SLC5A7: variants seen among roughly 807,000 people sequenced by gnomAD.
SLC5A7 encodes the protein solute carrier family 5 member 7.
SLC5A7 carries 19 observed loss-of-function variants against 55.4 expected under a neutral mutation model. The observed-to-expected ratio is 0.34, with a 90% CI of 0.24 to 0.50. The LOEUF is 0.50. Ranked by LOEUF, SLC5A7 falls within the 20% of genes least tolerant of loss-of-function variation. The probability of loss-of-function intolerance (pLI) is 0.98; values close to 1 mark genes in which losing one functional copy is unlikely to be tolerated. For missense variants in SLC5A7, 506 were observed against 705.3 expected (o/e 0.72, Z 3.20); for synonymous variants, 265 against 263.7 (o/e 1.00, Z -0.05).
chr2:107,990,764 A>C (rs1160913246), intron 2 of SLC5A7, among the ~76,000 whole-genome samples: 2 of 152,196 alleles, frequency 1.3e-5, no homozygotes, highest in Non-Finnish European at 2.9e-5. Context: ...GTATTAGATT[A>C]AAAGCCAGAT....
At chr2:107,999,147 A>G (rs2104357243) in intron 5 of SLC5A7, among the ~76,000 whole-genome samples, 2 of 152,326 alleles carry the variant, frequency 1.3e-5, no homozygotes, top group East Asian at 3.9e-4. Context: ...TCATATTGTA[A>G]CTGAATATGA....
At chr2:107,993,976 C>T (rs573930616) in intron 4 of SLC5A7, among the ~76,000 whole-genome samples, 9 of 152,244 alleles carry the variant, frequency 5.9e-5, no homozygotes, top group African/African-American at 2.2e-4. Flanking sequence ...AGAATTTCCC[C>T]TTCAGTTTAA....
intron 8 of SLC5A7, among the ~76,000 whole-genome samples, chr2:108,009,080 G>A (rs1678221246): frequency 2.0e-5 from 3 of 152,074 alleles, no homozygotes; most frequent in South Asian, 2.1e-4. Context: ...ACGTATTTTT[G>A]TAACTTCTGA....
intron 5 of SLC5A7, among the ~76,000 whole-genome samples, chr2:108,001,597 C>T (rs970004220): frequency 4.2e-5 from 6 of 141,958 alleles, no homozygotes; most frequent in African/African-American, 1.0e-4. Context: ...GGCGTGAACC[C>T]GGGAGGCGGA....
intron 4 of SLC5A7, among the ~76,000 whole-genome samples, chr2:107,993,601 T>C (rs1170194588): frequency 6.6e-6 from 1 of 152,216 alleles, no homozygotes; most frequent in Non-Finnish European, 1.5e-5. Context: ...AACTGAGAAC[T>C]TTTTACCTCC....
chr2:108,009,770 G>A (rs759661132), intron 8 of SLC5A7, among the ~76,000 whole-genome samples: 11 of 152,078 alleles, frequency 7.2e-5, no homozygotes, highest in African/African-American at 1.7e-4. Flanking sequence ...TGCAATAAAC[G>A]TATGTGTGCA....
intron 6 of SLC5A7, among the ~76,000 whole-genome samples, 158 bp downstream of exon 6, chr2:108,002,198 C>T (rs1200836992): frequency 1.3e-5 from 2 of 152,004 alleles, no homozygotes; most frequent in Non-Finnish European, 2.9e-5. Flanking sequence ...CAGGGCCGGA[C>T]TATCGTGGCT....
Position 108,010,992 on chromosome 2 carries a change from A to G in SLC5A7, c.*131A>G. ...TTCAGGAGAGTAAAAATTCATATAA[A>G]GTGCAATTGCACAAATACAAGCCAA... On this transcript the variant is annotated 3_prime_UTR_variant, in exon 9 of 9. Coordinates refer to ENST00000264047, the MANE Select transcript of SLC5A7 (RefSeq NM_021815.5). 9.9e-7 allele frequency: 1 copy of G among 1,006,296 alleles called. No homozygotes were observed. The highest frequency in any genetic ancestry group is 1.3e-6 in the Non-Finnish European group (1 of 744,998). The allele number at this position is 1,006,296 out of a possible 1,614,324, so 62.3% of individuals were successfully genotyped here. A position where few individuals can be genotyped will look rare whatever the true frequency, so the allele number is the denominator to read the frequency against.
At position 107,988,337 on chromosome 2, in the gene SLC5A7, C is replaced by G. The variant is rs202139534; in HGVS notation, c.178+4C>G. On this transcript the variant is annotated splice_donor_region_variant and intron_variant, in intron 2 of 8. Transcript: ENST00000264047. ...GTTGGTGGATTTACCATGACAGGTA[C>G]GTTCAGACGCCGCCGGCTCCATGCA... 3.1e-6 allele frequency: 5 copies of G among 1,605,862 alleles called. No individual in the cohort carries two copies. The highest frequency in any genetic ancestry group is 2.7e-5 in the African/African-American group (2 of 74,912).
intron 6 of SLC5A7, 98 bp from the exon 7 acceptor site, chr2:108,005,951 C>T: frequency 6.9e-7 from 1 of 1,454,300 alleles, no homozygotes; most frequent in Non-Finnish European, 9.3e-7. Context: ...TTTACTACTT[C>T]TAAGTTGTAC....
intron 1 of SLC5A7, among the ~76,000 whole-genome samples, chr2:107,987,221 T>TAAATAA (rs745768532): frequency 6.6e-6 from 1 of 151,900 alleles, no homozygotes; most frequent in Non-Finnish European, 1.5e-5. Context: ...AGGTAAAAAA[T>TAAATAA]AAATAAAAAT....
At chr2:107,999,909 T>C (rs1246330499) in intron 5 of SLC5A7, among the ~76,000 whole-genome samples, 2 of 152,216 alleles carry the variant, frequency 1.3e-5, no homozygotes, top group Non-Finnish European at 2.9e-5. Flanking sequence ...CCTACCACTT[T>C]CCCTGACTCT....
intron 4 of SLC5A7, among the ~76,000 whole-genome samples, chr2:107,995,353 G>A (rs1677625435): frequency 6.6e-6 from 1 of 151,896 alleles, no homozygotes; most frequent in African/African-American, 2.4e-5. Context: ...GACTACATAT[G>A]TAAAATATGT....
rs761132715 is a variant in SLC5A7 at position 107,992,124 on chromosome 2, G to A, written c.197G>A (p.Gly66Glu). ...GTTTCAGCTACCTGGGTCGGAGGAG[G>A]GTATATCAATGGCACAGCTGAAGCA... ...FTMTATWVGG[G>E]YINGTAEAVY... The change falls in exon 3 of 9, where the codon GGG (glycine) becomes GAG (glutamate). Residue 66 changes from glycine (G) to glutamate (E), a missense_variant. By Grantham distance (98) the Gly-to-Glu change is moderately conservative. Coordinates refer to ENST00000264047, the MANE Select transcript of SLC5A7 (RefSeq NM_021815.5). The A allele has an allele frequency of 1.2e-6, 2 of 1,613,166 alleles. No homozygotes were observed. Among genetic ancestry groups the A allele is most frequent in the African/African-American group, 2.7e-5 (2 of 74,894 alleles).
At position 108,010,928 on chromosome 2, in the gene SLC5A7, T is replaced by A. The variant is rs1427931420; in HGVS notation, c.*67T>A. 1 of 1,407,472 alleles carries A rather than the reference T, an allele frequency of 7.1e-7. No homozygotes were observed. Among genetic ancestry groups the A allele is most frequent in the East Asian group, 2.3e-5 (1 of 42,616 alleles). The allele number at this position is 1,407,472 out of a possible 1,614,324, so 87.2% of individuals were successfully genotyped here. A position where few individuals can be genotyped will look rare whatever the true frequency, so the allele number is the denominator to read the frequency against. ...TAATAGGGTAGTTCTGGAGAGATGG[T>A]ATGCAGCATACAAAAATATATTAAA... is the stretch of plus-strand genomic sequence containing the variant. On this transcript the variant is annotated 3_prime_UTR_variant, in exon 9 of 9. Coordinates refer to ENST00000264047, the MANE Select transcript of SLC5A7 (RefSeq NM_021815.5).
chr2:107,998,051 C>A, intron 5 of SLC5A7, 65 bp downstream of exon 5: 1 of 1,425,400 alleles, frequency 7.0e-7, no homozygotes, highest in Non-Finnish European at 9.4e-7. Context: ...TTTATACTAA[C>A]TCATTAAAAA....
At position 107,991,636 on chromosome 2, in the gene SLC5A7, C is replaced by T. The variant is rs551959775; in HGVS notation, c.179-470C>T. ...ATGTACGTACACATGCACACCACTC[C>T]GTGAGGACAGTATAAAAACATCAAT... On this transcript the variant is annotated intron_variant, in intron 2 of 8. Transcript: ENST00000264047. Among the ~76,000 whole-genome samples, 13 of 152,166 alleles carry T rather than the reference C, an allele frequency of 8.5e-5. No individual in the cohort carries two copies. In the East Asian group the frequency reaches 9.7e-4, roughly 11 times the overall value.
rs748711877 is a variant in SLC5A7 at position 108,010,789 on chromosome 2, C to CA, written c.1672dup (p.Thr558AsnfsTer3). On this transcript the variant is annotated frameshift_variant, in exon 9 of 9. Transcript: ENST00000264047. LOFTEE classifies it high-confidence loss of function. Reference sequence around the variant, plus strand: ...AGAGCATGACCCTCAGCTCAACTTTCACCAATAAAGAGGCCTTCCTTGATG... The same window carrying CA: ...AGAGCATGACCCTCAGCTCAACTTTCAACCAATAAAGAGGCCTTCCTTGATG... 19 of 1,613,208 alleles carry CA rather than the reference C, an allele frequency of 1.2e-5. No individual in the cohort carries two copies. The highest frequency in any genetic ancestry group is 1.5e-5 in the Non-Finnish European group (18 of 1,179,790).
rs149790802 is a variant in SLC5A7 at position 107,996,076 on chromosome 2, G to T, written c.449-1762G>T. 1.4e-4 allele frequency among the ~76,000 whole-genome samples: 22 copies of T among 151,910 alleles called. No homozygotes were observed. In the East Asian group the frequency reaches 4.3e-3, roughly 30 times the overall value. On this transcript the variant is annotated intron_variant, in intron 4 of 8. Transcript: ENST00000264047. ...ATCTACTAGGACCCCAAATCTTTGAGATTTTAGTCAGCTAATCTTTATTTT... is the reference window on the plus strand; with the variant it reads ...ATCTACTAGGACCCCAAATCTTTGATATTTTAGTCAGCTAATCTTTATTTT...
Sources: gnomAD v4.1 joint callset for allele counts (sites outside exome capture counted in the v4.1 genomes callset) on GRCh38, gnomAD v4.1.1 for gene constraint, MANE v1.5 for transcripts, NCBI Gene and HGNC (gene_info 2026-07-23, HGNC 2026-07-21) for gene names.